The following USP33 variants were observed in gnomAD, a reference collection of about 807,000 sequenced individuals.
The protein encoded by USP33 is ubiquitin carboxyl-terminal hydrolase 33.
In USP33, 46 loss-of-function variants were observed where a neutral mutation model predicts 124.2. The ratio of observed to expected loss-of-function variants is 0.37; its 90% CI spans 0.29 to 0.47. USP33 has a LOEUF of 0.47. USP33 is among the 20% of genes least tolerant of loss of function. The pLI is 0.99. For synonymous variants in USP33, 350 were observed against 352.3 expected (o/e 0.99, Z 0.07); for missense variants, 851 against 1,070.6 (o/e 0.79, Z 2.86).
At chr1:77,741,839 T>G in intron 1 of USP33, 91 bp from the exon 2 acceptor site, 5 of 1,153,686 alleles carry the variant, frequency 4.3e-6, no homozygotes, top group Non-Finnish European at 5.9e-6. Context: ...AATGTTAACA[T>G]ATTAAAAATG....
intron 15 of USP33, among the ~76,000 whole-genome samples, chr1:77,719,954 G>A (rs1676373562): frequency 6.6e-6 from 1 of 151,416 alleles, no homozygotes; most frequent in Non-Finnish European, 1.5e-5. Context: ...GCAAGCCAAG[G>A]AGTTCACAAA....
At chr1:77,756,495 G>C (rs958294984) in intron 1 of USP33, among the ~76,000 whole-genome samples, 3 of 152,058 alleles carry the variant, frequency 2.0e-5, no homozygotes, top group African/African-American at 7.2e-5. Context: ...TCTCTCCTCA[G>C]CTCTCCAGCA....
At chr1:77,736,014 G>A in intron 6 of USP33, 42 bp downstream of exon 6, 1 of 1,374,664 alleles carries the variant, frequency 7.3e-7, no homozygotes, top group Non-Finnish European at 1.0e-6. Context: ...CTAAAGAAAT[G>A]GGCAGTGCCA....
Position 77,739,266 on chromosome 1 carries a change from T to C in USP33, c.350A>G (p.Gln117Arg), listed in dbSNP as rs1277591647. Reference sequence around the variant, plus strand: ...AACTAAGTGGATCTAGATTATTACCTGGACACTGTTTTCTTGTATTTGGTG... The same window carrying C: ...AACTAAGTGGATCTAGATTATTACCCGGACACTGTTTTCTTGTATTTGGTG... ...QPHQIQENSVQDFKIPSNTTL... is the reference protein window; with the variant it reads ...QPHQIQENSVRDFKIPSNTTL... Residue 117 changes from glutamine to arginine, a missense_variant and splice_region_variant, in exon 5 of 24, where the codon CAG (glutamine) becomes CGG (arginine). Gln to Arg is a conservative substitution (Grantham distance 43, BLOSUM62 1). Coordinates refer to ENST00000370794, the MANE Select transcript of USP33 (RefSeq NM_201624.3). 1.2e-6 allele frequency: 2 copies of C among 1,610,488 alleles called. No individual in the cohort carries two copies. The highest frequency in any genetic ancestry group is 1.7e-6 in the Non-Finnish European group (2 of 1,178,836).
intron 1 of USP33, among the ~76,000 whole-genome samples, chr1:77,752,574 A>G (rs1456461336): frequency 1.3e-5 from 2 of 152,182 alleles, no homozygotes; most frequent in Non-Finnish European, 2.9e-5. Context: ...CACATTACAG[A>G]GAAAAAAAAT....
chr1:77,756,765 T>A (rs538438153), intron 1 of USP33, among the ~76,000 whole-genome samples: 1 of 152,214 alleles, frequency 6.6e-6, no homozygotes, highest in Admixed American at 6.5e-5. Context: ...TTGTGCTTTA[T>A]AGCATCTCAC....
chr1:77,733,963 T>C (rs1241241989), intron 7 of USP33, among the ~76,000 whole-genome samples: 1 of 152,176 alleles, frequency 6.6e-6, no homozygotes, highest in Non-Finnish European at 1.5e-5. Context: ...ACCTGACATA[T>C]CTATTTTGTA....
intron 6 of USP33, among the ~76,000 whole-genome samples, chr1:77,735,853 T>C (rs1309153928): frequency 6.6e-6 from 1 of 152,200 alleles, no homozygotes; most frequent in Non-Finnish European, 1.5e-5. Flanking sequence ...AAAGAGTAAG[T>C]AGGATCCTAC....
At chr1:77,700,600 C>A (rs979818354) in intron 22 of USP33, among the ~76,000 whole-genome samples, 1 of 151,914 alleles carries the variant, frequency 6.6e-6, no homozygotes, top group Non-Finnish European at 1.5e-5. Flanking sequence ...AGGGTTAAGA[C>A]CTTGTCTCTA....
chr1:77,714,258 A>C (rs1208019249), intron 19 of USP33, among the ~76,000 whole-genome samples: 1 of 152,214 alleles, frequency 6.6e-6, no homozygotes, highest in Non-Finnish European at 1.5e-5. Flanking sequence ...TCAGGTAGGA[A>C]AAATGATGTA....
intron 1 of USP33, among the ~76,000 whole-genome samples, chr1:77,758,478 C>A (rs1239165014): frequency 1.3e-5 from 2 of 152,102 alleles, no homozygotes; most frequent in Non-Finnish European, 2.9e-5. Flanking sequence ...CCAGCCCTGA[C>A]CTTTCTTTCA....
intron 1 of USP33, among the ~76,000 whole-genome samples, chr1:77,744,891 G>A (rs952242302): frequency 2.6e-5 from 4 of 152,196 alleles, no homozygotes; most frequent in Non-Finnish European, 5.9e-5. Flanking sequence ...TGCTAAGAAT[G>A]TATATTCTGT....
chr1:77,735,841 CAA>C (rs1386528850), intron 6 of USP33, among the ~76,000 whole-genome samples: 3 of 152,180 alleles, frequency 2.0e-5, no homozygotes, highest in African/African-American at 7.2e-5. Context: ...GGCTCAACTG[CAA>C]AAGAGTAAGT....
chr1:77,741,645 G>A lies in USP33; in HGVS notation c.53C>T (p.Thr18Ile). 6.3e-7 allele frequency: 1 copy of A among 1,591,422 alleles called. No individual in the cohort carries two copies. The highest frequency in any genetic ancestry group is 8.5e-7 in the Non-Finnish European group (1 of 1,172,632). Reference protein sequence around the residue: ...CPHLDSVGEITKEDLIQKSLG... With the variant: ...CPHLDSVGEIIKEDLIQKSLG... ...GGATTTTTGTATCAAATCTTCTTTT[G>A]TTATTTCACCAACTGAATCCAAATG... The change falls in exon 2 of 24, where the codon ACA becomes ATA. Residue 18 changes from threonine to isoleucine, a missense_variant. Around this residue, in one of 4 missense-constraint regions of USP33, gnomAD observed 221 missense variants for 302.9 expected, o/e 0.73. Coordinates refer to ENST00000370794, the MANE Select transcript of USP33 (RefSeq NM_201624.3).
At chr1:77,735,909 TA>T in intron 6 of USP33, 146 bp downstream of exon 6, 1 of 515,042 alleles carries the variant, frequency 1.9e-6, no homozygotes, top group Non-Finnish European at 3.2e-6. Flanking sequence ...GTTTTGCAAA[TA>T]AAATTTTACT....
chr1:77,708,312 G>T (rs1457094803), intron 21 of USP33, among the ~76,000 whole-genome samples: 1 of 152,170 alleles, frequency 6.6e-6, no homozygotes, highest in East Asian at 1.9e-4. Flanking sequence ...AAAGAAAAAT[G>T]ATTTTCCCCT....
chr1:77,698,380 A>G (rs1245324154), intron 22 of USP33, among the ~76,000 whole-genome samples: 2 of 149,870 alleles, frequency 1.3e-5, no homozygotes, highest in Non-Finnish European at 3.0e-5. Context: ...GCCTATGGTT[A>G]ATTCTTAATG....
intron 1 of USP33, among the ~76,000 whole-genome samples, chr1:77,743,425 G>A (rs1238067513): frequency 1.3e-5 from 2 of 151,858 alleles, no homozygotes; most frequent in African/African-American, 2.4e-5. Flanking sequence ...TCACTATTAC[G>A]CTGCAACACA....
chr1:77,721,944 A>G lies in USP33; in HGVS notation c.1563-19T>C. 1 of 1,599,450 alleles carries G rather than the reference A, an allele frequency of 6.3e-7. No individual in the cohort carries two copies. Among genetic ancestry groups the G allele is most frequent in the South Asian group, 1.1e-5 (1 of 88,022 alleles). ...AACAAACCTGAAACATCATTGATAGAAAAAAAAGGAAGTGTTCTGCCAGTA... is the reference window on the plus strand; with the variant it reads ...AACAAACCTGAAACATCATTGATAGGAAAAAAAGGAAGTGTTCTGCCAGTA... On this transcript the variant is annotated intron_variant, in intron 13 of 23. Coordinates refer to ENST00000370794, the MANE Select transcript of USP33 (RefSeq NM_201624.3).
Sources: allele counts gnomAD v4.1 joint callset (sites outside exome capture counted in the v4.1 genomes callset), GRCh38; gene constraint gnomAD v4.1.1; regional missense constraint gnomAD v4.1.1; transcripts MANE v1.5; gene names NCBI Gene and HGNC (gene_info 2026-07-23, HGNC 2026-07-21).